Variants in RERE observed in about 807,000 individuals in gnomAD.
RERE encodes the protein arginine-glutamic acid dipeptide repeats.
RERE carries 40 observed loss-of-function variants against 146.1 expected under a neutral mutation model. The ratio of observed to expected loss-of-function variants is 0.27; its 90% CI spans 0.21 to 0.36. The LOEUF is 0.36. RERE is among the 10% of genes least tolerant of loss of function. The pLI is 1.00. For synonymous variants in RERE, 1,003 were observed against 866.0 expected (o/e 1.16, Z -2.78); for missense variants, 1,933 against 2,138.7 (o/e 0.90, Z 1.90).
Position 8,647,641 on chromosome 1 carries a change from ATGTG to A in RERE, c.325+8328_325+8331del, listed in dbSNP as rs1553127411. ...AAATGAGCTTCTATTTAAAATATGT[ATGTG>A]TGTGTGTGTGTGTGTGTGTGTGTGT... On this transcript the variant is annotated intron_variant, in intron 2 of 22. Coordinates refer to ENST00000400908, the MANE Select transcript of RERE (RefSeq NM_001042681.2). 9.2e-3 allele frequency among the ~76,000 whole-genome samples: 1,369 copies of A among 148,576 alleles called. 25 individuals carry two copies. The highest frequency in any genetic ancestry group is 0.031 in the African/African-American group (1,240 of 40,462).
chr1:8,810,537 G>A (rs967965530), intron 1 of RERE, among the ~76,000 whole-genome samples: 5 of 152,154 alleles, frequency 3.3e-5, no homozygotes, highest in Non-Finnish European at 7.3e-5. Context: ...GCCCGAGGGG[G>A]TCAAGGCTGC....
At chr1:8,758,157 C>T (rs945055422) in intron 1 of RERE, among the ~76,000 whole-genome samples, 33 of 152,040 alleles carry the variant, frequency 2.2e-4, no homozygotes, top group African/African-American at 7.0e-4. Flanking sequence ...ATGATCCCAG[C>T]TCACTGCAAC....
chr1:8,431,604 T>C lies in RERE; in HGVS notation c.1204-8797A>G, dbSNP rs200890090. Reference sequence around the variant, plus strand: ...ATGGAAAAGCTGTCTTCCACAAAGCTGGTCCCTGGTTCCAAAAAGGTTGGG... The same window carrying C: ...ATGGAAAAGCTGTCTTCCACAAAGCCGGTCCCTGGTTCCAAAAAGGTTGGG... On this transcript the variant is annotated intron_variant, in intron 11 of 22. Transcript: ENST00000400908. 1.4e-4 allele frequency among the ~76,000 whole-genome samples: 22 copies of C among 152,332 alleles called. No homozygotes were observed. In the East Asian group the frequency reaches 4.2e-3, roughly 29 times the overall value.
chr1:8,421,503 A>G (rs1467784618), intron 12 of RERE, among the ~76,000 whole-genome samples: 2 of 152,324 alleles, frequency 1.3e-5, no homozygotes, highest in East Asian at 1.9e-4. Context: ...GATCCATCCT[A>G]GCATATGAGA....
chr1:8,638,995 G>A (rs1331221571), intron 2 of RERE, among the ~76,000 whole-genome samples: 1 of 151,868 alleles, frequency 6.6e-6, no homozygotes, highest in Non-Finnish European at 1.5e-5. Context: ...GGATGGTCTC[G>A]ATCTCCTGAT....
intron 8 of RERE, among the ~76,000 whole-genome samples, chr1:8,498,730 T>TACACACAC (rs1357066114): frequency 0.015 from 172 of 11,844 alleles, 7 homozygotes; most frequent in East Asian, 0.035. Flanking sequence ...AAAATAAATA[T>TACACACAC]ATACACACAC....
chr1:8,639,956 A>T (rs1212629480), intron 2 of RERE, among the ~76,000 whole-genome samples: 3 of 152,156 alleles, frequency 2.0e-5, no homozygotes, highest in African/African-American at 7.2e-5. Flanking sequence ...GAGCTTTACA[A>T]ATAGAGCCCA....
intron 1 of RERE, among the ~76,000 whole-genome samples, chr1:8,752,531 T>C (rs1239089143): frequency 6.6e-6 from 1 of 152,178 alleles, no homozygotes; most frequent in Non-Finnish European, 1.5e-5. Flanking sequence ...TTAAGTTTCA[T>C]CTTAATCTTT....
Position 8,703,478 on chromosome 1 carries a change from C to A in RERE, c.-144-47037G>T, listed in dbSNP as rs1331354126. On this transcript the variant is annotated intron_variant, in intron 1 of 22. Transcript: ENST00000400908. ...CGGCAAAACCCGGGCTGGAGCCCAGCCCGCTCCGCGCGCACCCCTGCTGGC... is the reference window on the plus strand; with the variant it reads ...CGGCAAAACCCGGGCTGGAGCCCAGACCGCTCCGCGCGCACCCCTGCTGGC... Among the ~76,000 whole-genome samples, 3 of 151,788 alleles carry A rather than the reference C, an allele frequency of 2.0e-5. No individual in the cohort carries two copies. In the East Asian group the frequency reaches 5.8e-4, roughly 29 times the overall value.
intron 2 of RERE, among the ~76,000 whole-genome samples, chr1:8,646,800 G>A (rs1647330628): frequency 2.0e-5 from 3 of 152,172 alleles, no homozygotes; most frequent in South Asian, 2.1e-4. Context: ...ACAGAGGCTT[G>A]AAACAGATCC....
At chr1:8,566,237 G>A (rs553844218) in intron 4 of RERE, among the ~76,000 whole-genome samples, 3 of 152,228 alleles carry the variant, frequency 2.0e-5, no homozygotes, top group Non-Finnish European at 2.9e-5. Context: ...GAAGGACCAC[G>A]GCTGTGGCAC....
intron 1 of RERE, among the ~76,000 whole-genome samples, chr1:8,722,743 T>C (rs1010624149): frequency 1.3e-5 from 2 of 152,206 alleles, no homozygotes; most frequent in Non-Finnish European, 2.9e-5. Flanking sequence ...GGAGACGATG[T>C]AAAGTATAAG....
At chr1:8,797,521 G>A (rs1641500995) in intron 1 of RERE, among the ~76,000 whole-genome samples, 1 of 152,132 alleles carries the variant, frequency 6.6e-6, no homozygotes, top group Non-Finnish European at 1.5e-5. Flanking sequence ...AATAAAAAAT[G>A]ACCAGACTAA....
intron 11 of RERE, among the ~76,000 whole-genome samples, chr1:8,446,333 C>T (rs961601480): frequency 2.7e-5 from 4 of 148,982 alleles, no homozygotes; most frequent in Admixed American, 2.0e-4. Flanking sequence ...CTGAAGATTA[C>T]GTGTCTTGGG....
At chr1:8,443,459 GAAAAA>G (rs144499944) in intron 11 of RERE, among the ~76,000 whole-genome samples, 16 of 112,780 alleles carry the variant, frequency 1.4e-4, no homozygotes, top group Non-Finnish European at 3.5e-5. Context: ...CTCAAAAAAA[GAAAAA>G]AAAAAAAAAA....
intron 2 of RERE, among the ~76,000 whole-genome samples, chr1:8,644,819 G>A (rs1264346934): frequency 6.6e-6 from 1 of 152,130 alleles, no homozygotes; most frequent in Admixed American, 6.5e-5. Context: ...TTGGCAACAG[G>A]AGAGCTATAA....
intron 4 of RERE, among the ~76,000 whole-genome samples, chr1:8,573,127 ATT>A (rs997932249): frequency 2.6e-5 from 4 of 152,038 alleles, no homozygotes; most frequent in Non-Finnish European, 1.5e-5. Context: ...TATCTTTCTT[ATT>A]TTTCTTTTTA....
At chr1:8,737,168 A>T (rs1307446262) in intron 1 of RERE, among the ~76,000 whole-genome samples, 1 of 151,982 alleles carries the variant, frequency 6.6e-6, no homozygotes, top group African/African-American at 2.4e-5. Flanking sequence ...TTTTTTTCTG[A>T]CAATTTGAAG....
chr1:8,423,648 T>C lies in RERE; in HGVS notation c.1204-841A>G. 2.0e-6 allele frequency: 2 copies of C among 984,590 alleles called. No homozygotes were observed. Among genetic ancestry groups the C allele is most frequent in the Non-Finnish European group, 2.4e-6 (2 of 829,696 alleles). 61.0% of individuals were successfully genotyped at this position (984,590 alleles called of 1,614,324 possible). ...TCCGGGGCGGCAAGAGGCCGTCGCC[T>C]GTCACTGGGCTCCGGCTCCACAAAG... On this transcript the variant is annotated intron_variant, in intron 11 of 22. Coordinates refer to ENST00000400908, the MANE Select transcript of RERE (RefSeq NM_001042681.2). This position sits in a 1 kb window ranked among gnomAD's most constrained non-coding sequence, Gnocchi z 5.4.
Sources: gnomAD v4.1 joint callset for allele counts (sites outside exome capture counted in the v4.1 genomes callset) on GRCh38, gnomAD v4.1.1 for gene constraint, Gnocchi (gnomAD v3.1) non-coding constraint, MANE v1.5 for transcripts, NCBI Gene and HGNC (gene_info 2026-07-23, HGNC 2026-07-21) for gene names.